Variants in TNFSF15 observed in about 807,000 individuals in gnomAD.
TNFSF15 encodes tumor necrosis factor ligand superfamily member 15.
A neutral mutation model predicts 26.4 loss-of-function variants in TNFSF15; 15 were observed. The observed-to-expected ratio is 0.57, with a 90% CI of 0.38 to 0.87. The LOEUF is 0.87. Ranked by LOEUF, TNFSF15 falls within the 40% of genes least tolerant of loss-of-function variation. TNFSF15 has a pLI of 0.00. For synonymous variants in TNFSF15, 116 were observed against 115.0 expected (o/e 1.01, Z -0.06); for missense variants, 290 against 306.1 (o/e 0.95, Z 0.39).
chr9:114,793,469 C>A (rs1829634832), intron 2 of TNFSF15, 57 bp downstream of exon 2: 1 of 1,587,610 alleles, frequency 6.3e-7, no homozygotes, highest in Admixed American at 1.7e-5. Context: ...GCATACAGAA[C>A]TACTAGAAAT....
Position 114,790,773 on chromosome 9 carries a change from T to G in TNFSF15, c.435A>C (p.Gly145=). 6.2e-7 allele frequency: 1 copy of G among 1,614,020 alleles called. No homozygotes were observed. The highest frequency in any genetic ancestry group is 8.5e-7 in the Non-Finnish European group (1 of 1,179,998). Residue 145 remains glycine, a synonymous_variant, in exon 4 of 4, where the codon GGA becomes GGC. Coordinates refer to ENST00000374045, the MANE Select transcript of TNFSF15 (RefSeq NM_005118.4). The stretch of plus-strand genomic sequence containing the variant: ...TGACCTGGGAGTAAATGAAGTAGTC[T>G]CCCGACTCTGGGATCAGCAGGAATT... The part of the protein sequence containing the change: ...TNKFLLIPES[G]DYFIYSQVTF...
Position 114,785,791 on chromosome 9 carries a change from T to C in TNFSF15, c.*4661A>G, listed in dbSNP as rs1829490957. The C allele has an allele frequency of 6.6e-6, 1 of 152,248 alleles. No individual in the cohort carries two copies. The highest frequency in any genetic ancestry group is 1.5e-5 in the Non-Finnish European group (1 of 68,064). 9.4% of individuals were successfully genotyped at this position (152,248 alleles called of 1,614,324 possible). On this transcript the variant is annotated 3_prime_UTR_variant, in exon 4 of 4. Coordinates refer to ENST00000374045, the MANE Select transcript of TNFSF15 (RefSeq NM_005118.4). Reference sequence around the variant, plus strand: ...CAGGTGTTTGAAAATACTTGTCCCATCTTCCTTCAAATCACTAAAATGAAC... The same window carrying C: ...CAGGTGTTTGAAAATACTTGTCCCACCTTCCTTCAAATCACTAAAATGAAC...
chr9:114,797,082 C>T (rs1220920201), intron 1 of TNFSF15, among the ~76,000 whole-genome samples: 1 of 152,204 alleles, frequency 6.6e-6, no homozygotes, highest in African/African-American at 2.4e-5. Context: ...GGAAAGGTAC[C>T]TGCCCTGGTT....
chr9:114,799,647 G>A (rs909886573), intron 1 of TNFSF15, among the ~76,000 whole-genome samples: 8 of 152,336 alleles, frequency 5.3e-5, no homozygotes, highest in Admixed American at 6.5e-5. Context: ...ACAAGGAGGG[G>A]TCAGGCTGGG....
rs1829574661 is a variant in TNFSF15 at position 114,790,354 on chromosome 9, C to T, written c.*98G>A. 7.7e-7 allele frequency: 1 copy of T among 1,291,250 alleles called. No individual in the cohort carries two copies. The highest frequency in any genetic ancestry group is 1.1e-6 in the Non-Finnish European group (1 of 936,594). The allele number at this position is 1,291,250 out of a possible 1,614,324, so 80.0% of individuals were successfully genotyped here. On this transcript the variant is annotated 3_prime_UTR_variant, in exon 4 of 4. Transcript: ENST00000374045. Reference sequence around the variant, plus strand: ...TGTCCCTGTGGAATGCCCCCTACTCCCGGCCCCAAGAAAACCCCTGGTTAT... The same window carrying T: ...TGTCCCTGTGGAATGCCCCCTACTCTCGGCCCCAAGAAAACCCCTGGTTAT...
chr9:114,804,474 G>T (rs1829790630), intron 1 of TNFSF15, among the ~76,000 whole-genome samples: 1 of 152,116 alleles, frequency 6.6e-6, no homozygotes, highest in Non-Finnish European at 1.5e-5. Context: ...CATGCCTCTG[G>T]GCTTCCTTCA....
In TNFSF15 at chr9:114,804,216, A is replaced by G. The variant is rs1436424164; in HGVS notation, c.210+1587T>C. The stretch of plus-strand genomic sequence containing the variant: ...CTTATTCATTTCTTGAGCATCTGCA[A>G]TTGGATAGGCACAGTGATAGATTCA... On this transcript the variant is annotated intron_variant, in intron 1 of 3. Transcript: ENST00000374045. 4.6e-5 allele frequency among the ~76,000 whole-genome samples: 7 copies of G among 152,310 alleles called. No homozygotes were observed. The East Asian group carries it at 1.4e-3, about 29-fold the overall frequency.
chr9:114,787,134 AAAT>A lies in TNFSF15; in HGVS notation c.*3315_*3317del, dbSNP rs1829514943. On this transcript the variant is annotated 3_prime_UTR_variant, in exon 4 of 4. Coordinates refer to ENST00000374045, the MANE Select transcript of TNFSF15 (RefSeq NM_005118.4). Reference sequence around the variant, plus strand: ...ATTGATGACCAAACTTGAATATAGCAAATAATAACCTGTCTCTACATGTAGTTT... The same window carrying A: ...ATTGATGACCAAACTTGAATATAGCAAATAACCTGTCTCTACATGTAGTTT... 1.3e-5 allele frequency: 2 copies of A among 152,196 alleles called. No homozygotes were observed. Among genetic ancestry groups the A allele is most frequent in the Non-Finnish European group, 2.9e-5 (2 of 68,036 alleles). 9.4% of individuals were successfully genotyped at this position (152,196 alleles called of 1,614,324 possible). A position where few individuals can be genotyped will look rare whatever the true frequency, so the allele number is the denominator to read the frequency against.
intron 1 of TNFSF15, 126 bp from the exon 2 acceptor site, chr9:114,793,694 G>A: frequency 1.2e-6 from 1 of 814,354 alleles, no homozygotes; most frequent in Non-Finnish European, 2.0e-6. Context: ...TGTGATGAGG[G>A]AAATGAGAAT....
intron 1 of TNFSF15, among the ~76,000 whole-genome samples, chr9:114,796,874 G>A (rs577760149): frequency 2.7e-4 from 41 of 152,308 alleles, no homozygotes; most frequent in African/African-American, 9.9e-4. Context: ...CCCAATTTCT[G>A]TGATCACCTA....
Position 114,790,602 on chromosome 9 carries a change from G to A in TNFSF15, c.606C>T (p.Cys202=), listed in dbSNP as rs184980312. The change falls in exon 4 of 4, where the codon TGC becomes TGT. Residue 202 remains cysteine, a synonymous_variant. Coordinates refer to ENST00000374045, the MANE Select transcript of TNFSF15 (RefSeq NM_005118.4). ...GCTGGAACCAGTTGCTACCTACTTCGCATACAGACTTGGTCCCCATGAGGA... is the reference window on the plus strand; with the variant it reads ...GCTGGAACCAGTTGCTACCTACTTCACATACAGACTTGGTCCCCATGAGGA... ...TQLLMGTKSV[C]EVGSNWFQPI... 168 of 1,614,000 alleles carry A rather than the reference G, an allele frequency of 1.0e-4. No homozygotes were observed. In the Admixed American group the frequency reaches 2.4e-3, roughly 24 times the overall value.
At chr9:114,793,491 C>A in intron 2 of TNFSF15, 35 bp downstream of exon 2, 1 of 1,611,736 alleles carries the variant, frequency 6.2e-7, no homozygotes, top group South Asian at 1.1e-5. Context: ...TTCTTATTCC[C>A]CACGAGGAAA....
In TNFSF15 at chr9:114,806,022, G is replaced by C; in HGVS notation, c.-10C>G. 2 of 1,612,422 alleles carry C rather than the reference G, an allele frequency of 1.2e-6. No individual in the cohort carries two copies. The highest frequency in any genetic ancestry group is 2.2e-5 in the South Asian group (2 of 90,992). Reference sequence around the variant, plus strand: ...CCAGATCCTCGGCCATGCTCCTGCTGCTCCTGGAGGCACCTCTGACTCCTG... The same window carrying C: ...CCAGATCCTCGGCCATGCTCCTGCTCCTCCTGGAGGCACCTCTGACTCCTG... On this transcript the variant is annotated 5_prime_UTR_variant, in exon 1 of 4. Coordinates refer to ENST00000374045, the MANE Select transcript of TNFSF15 (RefSeq NM_005118.4).
chr9:114,793,389 T>C lies in TNFSF15; in HGVS notation c.253+137A>G. The C allele has an allele frequency of 4.0e-6, 4 of 1,009,972 alleles. No homozygotes were observed. The South Asian group carries it at 5.9e-5, about 15-fold the overall frequency. The allele number at this position is 1,009,972 out of a possible 1,614,324, so 62.6% of individuals were successfully genotyped here. A position where few individuals can be genotyped will look rare whatever the true frequency, so the allele number is the denominator to read the frequency against. On this transcript the variant is annotated intron_variant, in intron 2 of 3. Coordinates refer to ENST00000374045, the MANE Select transcript of TNFSF15 (RefSeq NM_005118.4). ...CCTTCTTAGTGCCTGCAGCAGAGCCTCATTTCTCCTCTGGATTTGCATCCC... is the reference window on the plus strand; with the variant it reads ...CCTTCTTAGTGCCTGCAGCAGAGCCCCATTTCTCCTCTGGATTTGCATCCC...
Position 114,791,152 on chromosome 9 carries a change from C to T in TNFSF15, c.302-246G>A, listed in dbSNP as rs1319443003. ...CCTTTCTGAGACTGAGTGGTCTGAC[C>T]TGAAAATTTTTAATTTTACCTGAGA... On this transcript the variant is annotated intron_variant, in intron 3 of 3. Transcript: ENST00000374045. 3 of 584,106 alleles carry T rather than the reference C, an allele frequency of 5.1e-6. No individual in the cohort carries two copies. In the African/African-American group the frequency reaches 5.6e-5, roughly 11 times the overall value. 36.2% of individuals were successfully genotyped at this position (584,106 alleles called of 1,614,324 possible). A position where few individuals can be genotyped will look rare whatever the true frequency, so the allele number is the denominator to read the frequency against.
chr9:114,785,436 G>A lies in TNFSF15; in HGVS notation c.*5016C>T, dbSNP rs1323771166. 3 of 152,166 alleles carry A rather than the reference G, an allele frequency of 2.0e-5. No individual in the cohort carries two copies. The highest frequency in any genetic ancestry group is 4.4e-5 in the Non-Finnish European group (3 of 68,030). 9.4% of individuals were successfully genotyped at this position (152,166 alleles called of 1,614,324 possible). A position where few individuals can be genotyped will look rare whatever the true frequency, so the allele number is the denominator to read the frequency against. On this transcript the variant is annotated 3_prime_UTR_variant, in exon 4 of 4. Coordinates refer to ENST00000374045, the MANE Select transcript of TNFSF15 (RefSeq NM_005118.4). ...ACTGAACCCTTGAGAAGGCCTGCCA[G>A]GTTTGTAATGATCAACTAGAACACA...
Position 114,797,726 on chromosome 9 carries a change from T to TCATGG in TNFSF15, c.211-4163_211-4159dup, listed in dbSNP as rs56122946. 1.8e-3 allele frequency among the ~76,000 whole-genome samples: 273 copies of TCATGG among 152,320 alleles called. 4 individuals carry two copies. The East Asian group carries it at 0.029, about 16-fold the overall frequency. Reference sequence around the variant, plus strand: ...GGTGTTGGCTCCTAAGAGGTGCTGGTCATGGCAACATTAGCCTCCAATTGA... The same window carrying TCATGG: ...GGTGTTGGCTCCTAAGAGGTGCTGGTCATGGCATGGCAACATTAGCCTCCAATTGA... On this transcript the variant is annotated intron_variant, in intron 1 of 3. Coordinates refer to ENST00000374045, the MANE Select transcript of TNFSF15 (RefSeq NM_005118.4).
intron 3 of TNFSF15, 181 bp downstream of exon 3, chr9:114,792,222 TGTAC>T (rs1392610863): frequency 5.3e-4 from 320 of 602,740 alleles, no homozygotes; most frequent in East Asian, 4.3e-3. Flanking sequence ...TACATATGTG[TGTAC>T]ACACACACAC....
At chr9:114,802,202 C>T (rs1195917450) in intron 1 of TNFSF15, among the ~76,000 whole-genome samples, 2 of 152,156 alleles carry the variant, frequency 1.3e-5, no homozygotes, top group Admixed American at 6.5e-5. Context: ...TCTTTCTCTA[C>T]TACCTTTGTG....
Sources: gnomAD v4.1 joint callset for allele counts (sites outside exome capture counted in the v4.1 genomes callset) on GRCh38, gnomAD v4.1.1 for gene constraint, MANE v1.5 for transcripts, NCBI Gene and HGNC (gene_info 2026-07-23, HGNC 2026-07-21) for gene names.